The following HOOK1 variants were observed in gnomAD, a reference collection of about 807,000 sequenced individuals.
HOOK1 encodes the protein protein Hook homolog 1.
HOOK1 carries 60 observed loss-of-function variants against 112.8 expected under a neutral mutation model. The observed-to-expected ratio is 0.53, with a 90% CI of 0.43 to 0.66. The LOEUF is 0.66. Ranked by LOEUF, HOOK1 falls within the 30% of genes least tolerant of loss-of-function variation. The probability of loss-of-function intolerance (pLI) is 0.00; values close to 1 mark genes in which losing one functional copy is unlikely to be tolerated. For missense variants in HOOK1, 770 were observed against 856.0 expected (o/e 0.90, Z 1.25); for synonymous variants, 294 against 283.8 (o/e 1.04, Z -0.36).
chr1:59,857,383 C>T (rs1233344271), intron 12 of HOOK1, among the ~76,000 whole-genome samples: 5 of 152,150 alleles, frequency 3.3e-5, no homozygotes, highest in African/African-American at 7.2e-5. Flanking sequence ...GAGCAAAAAG[C>T]TTACTGTTCT....
Position 59,814,967 on chromosome 1 carries a change from ACAGCGCGAGGGTT to A in HOOK1, c.-149_-137del. 4 of 711,964 alleles carry A rather than the reference ACAGCGCGAGGGTT, an allele frequency of 5.6e-6. No homozygotes were observed. The highest frequency in any genetic ancestry group is 9.1e-6 in the Non-Finnish European group (4 of 437,544). 44.1% of individuals were successfully genotyped at this position (711,964 alleles called of 1,614,324 possible). A position where few individuals can be genotyped will look rare whatever the true frequency, so the allele number is the denominator to read the frequency against. Reference sequence around the variant, plus strand: ...GGAGGGGGTGACGCCGGACGCGTCGACAGCGCGAGGGTTCGCGCGTGAGCTGCGCGGGTCGGGC... The same window carrying A: ...GGAGGGGGTGACGCCGGACGCGTCGACGCGCGTGAGCTGCGCGGGTCGGGC... On this transcript the variant is annotated 5_prime_UTR_variant, in exon 1 of 22. Transcript: ENST00000371208.
At position 59,864,728 on chromosome 1, in the gene HOOK1, G is replaced by A. The variant is rs1643929246; in HGVS notation, c.1661+62G>A. 2.7e-5 allele frequency: 27 copies of A among 1,014,956 alleles called. No homozygotes were observed. In the South Asian group the frequency reaches 3.9e-4, roughly 15 times the overall value. The allele number at this position is 1,014,956 out of a possible 1,614,324, so 62.9% of individuals were successfully genotyped here. The stretch of plus-strand genomic sequence containing the variant: ...GGGAGGGGTTGTAAAAGCCTCTAAA[G>A]TTAATCTCCTTTTCGGATTTTGTCT... On this transcript the variant is annotated intron_variant, in intron 17 of 21. Coordinates refer to ENST00000371208, the MANE Select transcript of HOOK1 (RefSeq NM_015888.6).
At chr1:59,830,510 C>T (rs1249631985) in intron 3 of HOOK1, among the ~76,000 whole-genome samples, 2 of 152,186 alleles carry the variant, frequency 1.3e-5, no homozygotes, top group East Asian at 3.9e-4. Flanking sequence ...GTAGCCACTA[C>T]AGATTTTTTA....
intron 2 of HOOK1, 68 bp downstream of exon 2, chr1:59,822,011 G>T: frequency 7.9e-7 from 1 of 1,268,412 alleles, no homozygotes; most frequent in South Asian, 1.2e-5. Context: ...AGAAAACTTG[G>T]ACTTGAATTC....
intron 16 of HOOK1, chr1:59,863,737 G>A (rs1270343701): frequency 4.7e-6 from 2 of 424,576 alleles, no homozygotes; most frequent in Non-Finnish European, 6.3e-6. Context: ...GAGATGAAAA[G>A]GAAAATTGAA....
chr1:59,865,725 C>G (rs2102071893), intron 18 of HOOK1, 147 bp from the exon 19 acceptor site: 1 of 369,952 alleles, frequency 2.7e-6, no homozygotes, highest in East Asian at 4.8e-5. Context: ...TAAGAATTCA[C>G]TACAAAGAAT....
intron 3 of HOOK1, among the ~76,000 whole-genome samples, chr1:59,831,905 A>G (rs1048820954): frequency 6.6e-6 from 1 of 152,202 alleles, no homozygotes; most frequent in African/African-American, 2.4e-5. Flanking sequence ...CTGCAGCTGG[A>G]CATGCCTGTG....
intron 1 of HOOK1, among the ~76,000 whole-genome samples, chr1:59,816,835 GAA>G (rs1559039978): frequency 6.6e-6 from 1 of 152,220 alleles, no homozygotes; most frequent in East Asian, 1.9e-4. Flanking sequence ...GCACTGTGGA[GAA>G]AATTGAATGA....
At chr1:59,828,272 C>G (rs1287648856) in intron 2 of HOOK1, among the ~76,000 whole-genome samples, 1 of 152,096 alleles carries the variant, frequency 6.6e-6, no homozygotes, top group Non-Finnish European at 1.5e-5. Flanking sequence ...TCTTTGTAGA[C>G]TTCTCATTTA....
intron 12 of HOOK1, among the ~76,000 whole-genome samples, chr1:59,854,054 TTTTTTTTTTTTTTTTG>T: frequency 1.1e-5 from 1 of 91,338 alleles, no homozygotes; most frequent in African/African-American, 4.3e-5. Flanking sequence ...TTTTTTTTTT[TTTTTTTTTTTTTTTTG>T]AGACGGAGTC....
intron 1 of HOOK1, among the ~76,000 whole-genome samples, chr1:59,820,129 T>C (rs2098384518): frequency 6.6e-6 from 1 of 152,196 alleles, no homozygotes; most frequent in South Asian, 2.1e-4. Context: ...AAAATTGACA[T>C]ATTTAAGAAT....
intron 1 of HOOK1, 42 bp from the exon 2 acceptor site, chr1:59,821,816 G>A (rs774571789): frequency 7.4e-7 from 1 of 1,344,042 alleles, no homozygotes; most frequent in African/African-American, 1.5e-5. Context: ...TACCTTGTAG[G>A]TATAAAGAAG....
At position 59,849,131 on chromosome 1, in the gene HOOK1, T is replaced by C. The variant is rs2098405745; in HGVS notation, c.1190T>C (p.Phe397Ser). 6.2e-7 allele frequency: 1 copy of C among 1,609,970 alleles called. No individual in the cohort carries two copies. The highest frequency in any genetic ancestry group is 8.5e-7 in the Non-Finnish European group (1 of 1,177,130). The part of the protein sequence containing the change: ...SESKRADTLA[F>S]EMKRLEEKHE... ...TCCAAGAGGGCAGACACACTAGCGTTTGAAATGAAGCGGCTTGAAGAAAAA... is the reference window on the plus strand; with the variant it reads ...TCCAAGAGGGCAGACACACTAGCGTCTGAAATGAAGCGGCTTGAAGAAAAA... The change falls in exon 12 of 22, where the codon TTT becomes TCT. Residue 397 changes from phenylalanine (F) to serine (S), a missense_variant. Around this residue, in one of 3 missense-constraint regions of HOOK1, gnomAD observed 655 missense variants for 725.9 expected, o/e 0.90. Coordinates refer to ENST00000371208, the MANE Select transcript of HOOK1 (RefSeq NM_015888.6).
chr1:59,869,526 T>C (rs1644020248), intron 20 of HOOK1, among the ~76,000 whole-genome samples: 1 of 152,194 alleles, frequency 6.6e-6, no homozygotes, highest in Admixed American at 6.5e-5. Flanking sequence ...CTAGGAATGT[T>C]ATATTTCAAA....
At chr1:59,823,161 A>G (rs889486531) in intron 2 of HOOK1, among the ~76,000 whole-genome samples, 76 of 152,294 alleles carry the variant, frequency 5.0e-4, no homozygotes, top group African/African-American at 1.8e-3. Flanking sequence ...TCTACTAAAA[A>G]TACAAAAAAT....
In HOOK1 at chr1:59,865,937, G is replaced by C. The variant is rs757523960; in HGVS notation, c.1810G>C (p.Glu604Gln). The change falls in exon 19 of 22, where the codon GAA becomes CAA. Residue 604 changes from glutamate (E) to glutamine (Q), a missense_variant. Around this residue, in one of 3 missense-constraint regions of HOOK1, gnomAD observed 655 missense variants for 725.9 expected, o/e 0.90. Transcript: ENST00000371208. ...KKDEDMKAME[E>Q]RYKMYLEKAR... Reference sequence around the variant, plus strand: ...AGATGAAGATATGAAAGCAATGGAGGAAAGATATAAAATGTACTTGGAGAA... The same window carrying C: ...AGATGAAGATATGAAAGCAATGGAGCAAAGATATAAAATGTACTTGGAGAA... 2 of 1,597,202 alleles carry C rather than the reference G, an allele frequency of 1.3e-6. No individual in the cohort carries two copies. Among genetic ancestry groups the C allele is most frequent in the Non-Finnish European group, 1.7e-6 (2 of 1,171,032 alleles).
In HOOK1 at chr1:59,848,489, T is replaced by C. The variant is rs2098405393; in HGVS notation, c.1104T>C (p.Arg368=). ...EEELKKANAA[R]TQLETYKRQV... is the part of the protein sequence containing the mutation. Reference sequence around the variant, plus strand: ...AATTAAAAAAAGCAAATGCAGCACGTACACAATTAGAAACATACAAAAGGC... The same window carrying C: ...AATTAAAAAAAGCAAATGCAGCACGCACACAATTAGAAACATACAAAAGGC... Residue 368 remains arginine, a synonymous_variant, in exon 11 of 22, where the codon CGT becomes CGC. Transcript: ENST00000371208. 6.2e-7 allele frequency: 1 copy of C among 1,609,484 alleles called. No homozygotes were observed. Among genetic ancestry groups the C allele is most frequent in the South Asian group, 1.1e-5 (1 of 90,790 alleles).
chr1:59,835,940 G>A (rs1474201543), intron 6 of HOOK1, among the ~76,000 whole-genome samples: 1 of 152,052 alleles, frequency 6.6e-6, no homozygotes, highest in Non-Finnish European at 1.5e-5. Flanking sequence ...ACTGGTGCCA[G>A]TCCATGGCCT....
chr1:59,843,278 A>C (rs936728271), intron 8 of HOOK1, among the ~76,000 whole-genome samples, 154 bp from the exon 9 acceptor site: 14 of 149,078 alleles, frequency 9.4e-5, no homozygotes, highest in African/African-American at 3.5e-4. Context: ...TGAATTCTGC[A>C]TTCAGAAGGA....
Sources: gnomAD v4.1 joint callset for allele counts (sites outside exome capture counted in the v4.1 genomes callset) on GRCh38, gnomAD v4.1.1 for gene constraint, gnomAD v4.1.1 regional missense constraint, MANE v1.5 for transcripts, NCBI Gene and HGNC (gene_info 2026-07-23, HGNC 2026-07-21) for gene names.